Variants in FNDC1 observed in about 807,000 individuals in gnomAD.
FNDC1 encodes fibronectin type III domain containing 1, also known as fibronectin type III domain-containing protein 1.
FNDC1 carries 96 observed loss-of-function variants against 168.0 expected under a neutral mutation model. The ratio of observed to expected loss-of-function variants is 0.57; its 90% CI spans 0.48 to 0.68. The LOEUF is 0.68. Ranked by LOEUF, FNDC1 falls within the 30% of genes least tolerant of loss-of-function variation. The pLI, the probability that FNDC1 is intolerant of heterozygous loss-of-function variation, is 0.00. For synonymous variants in FNDC1, 1,099 were observed against 1,025.9 expected, an observed-to-expected ratio of 1.07 and a Z score of -1.36; for missense variants, 2,587 against 2,482.1, an observed-to-expected ratio of 1.04 and a Z score of -0.90.
chr6:159,254,280 T>G (rs1364341549), intron 17 of FNDC1, among the ~76,000 whole-genome samples: 1 of 152,198 alleles, frequency 6.6e-6, no homozygotes, highest in Non-Finnish European at 1.5e-5. Context: ...CAAGGCTTGG[T>G]CCTGGGGCCT....
At chr6:159,202,096 C>T (rs1410547085) in intron 4 of FNDC1, among the ~76,000 whole-genome samples, 1 of 152,132 alleles carries the variant, frequency 6.6e-6, no homozygotes, top group Non-Finnish European at 1.5e-5. Context: ...TTTGCAGGCC[C>T]TGGTTGCCAA....
rs372511186 is a variant in FNDC1, at chr6:159,197,532, G to A, written c.211G>A (p.Glu71Lys). The A allele has an allele frequency of 3.7e-6, 6 of 1,613,964 alleles. No homozygotes were observed. The African/African-American group carries it at 8.0e-5, about 22-fold the overall frequency. ...CAAAGATGCTACCAGTAGACCTGTG[G>A]AGCATTACAACATTGCCTATGGGAA... ...PPKDATSRPV[E>K]HYNIAYGKSL... is the part of the protein sequence containing the mutation. Residue 71 changes from glutamate (E) to lysine (K), a missense_variant, in exon 2 of 23, where the codon GAG (glutamate) becomes AAG (lysine). Transcript: ENST00000297267.
intron 5 of FNDC1, among the ~76,000 whole-genome samples, chr6:159,219,989 T>G (rs1182644027): frequency 1.3e-5 from 2 of 152,258 alleles, no homozygotes; most frequent in African/African-American, 4.8e-5. Flanking sequence ...TTTGATGTTC[T>G]GTGCATTCAA....
chr6:159,265,131 C>A, intron 20 of FNDC1, 127 bp downstream of exon 20: 1 of 760,566 alleles, frequency 1.3e-6, no homozygotes, highest in Non-Finnish European at 2.2e-6. Flanking sequence ...AACTTCTATG[C>A]TTTCCTTGCA....
chr6:159,221,950 G>A (rs1782835128), intron 6 of FNDC1, among the ~76,000 whole-genome samples: 1 of 152,194 alleles, frequency 6.6e-6, no homozygotes, highest in South Asian at 2.1e-4. Flanking sequence ...TGCGATAGGA[G>A]CAGCCAAGCG....
intron 12 of FNDC1, among the ~76,000 whole-genome samples, chr6:159,238,274 T>A (rs1583900811): frequency 6.6e-6 from 1 of 152,056 alleles, no homozygotes; most frequent in East Asian, 1.9e-4. Context: ...TTTTTTTGTA[T>A]TTTTAGTAGA....
chr6:159,254,624 T>C (rs532798829), intron 17 of FNDC1, among the ~76,000 whole-genome samples: 2 of 147,254 alleles, frequency 1.4e-5, no homozygotes, highest in African/African-American at 5.0e-5. Flanking sequence ...AGGAGAATGG[T>C]GTGAACCCGG....
chr6:159,200,454 A>C (rs1463634761), intron 3 of FNDC1, 59 bp from the exon 4 acceptor site: 3 of 1,272,622 alleles, frequency 2.4e-6, no homozygotes, highest in Non-Finnish European at 3.4e-6. Flanking sequence ...GATGCACTGT[A>C]ATGTGGAAAA....
chr6:159,215,046 C>T lies in FNDC1; in HGVS notation c.562C>T (p.Pro188Ser). 1 of 1,614,012 alleles carries T rather than the reference C, an allele frequency of 6.2e-7. No homozygotes were observed. The highest frequency in any genetic ancestry group is 8.5e-7 in the Non-Finnish European group (1 of 1,179,882). ...KAPRLSGAKSPRRSRGFLLGY... is the reference protein window; with the variant it reads ...KAPRLSGAKSSRRSRGFLLGY... Reference sequence around the variant, plus strand: ...ACCACGCCTGTCTGGAGCCAAGAGTCCACGCAGATCACGGGGTTTTCTCCT... The same window carrying T: ...ACCACGCCTGTCTGGAGCCAAGAGTTCACGCAGATCACGGGGTTTTCTCCT... Residue 188 changes from proline (P) to serine (S), a missense_variant, in exon 5 of 23, where the codon CCA (proline) becomes TCA (serine). Transcript: ENST00000297267.
Position 159,227,217 on chromosome 6 carries a change from G to A in FNDC1, c.1180+637G>A, listed in dbSNP as rs149353024. Among the ~76,000 whole-genome samples, 1,138 of 152,252 alleles carry A rather than the reference G, an allele frequency of 7.5e-3. 15 individuals are homozygous for A. The highest frequency in any genetic ancestry group is 0.026 in the African/African-American group (1,065 of 41,544). The stretch of plus-strand genomic sequence containing the variant: ...AATCTTTTATTTTTAATGTAAAAGC[G>A]TTTAAGAACCTCTCAGAATCTGTTT... On this transcript the variant is annotated intron_variant, in intron 9 of 22. Transcript: ENST00000297267.
intron 5 of FNDC1, among the ~76,000 whole-genome samples, chr6:159,217,635 TG>T (rs1782735051): frequency 1.3e-5 from 2 of 152,292 alleles, no homozygotes; most frequent in South Asian, 4.1e-4. Flanking sequence ...TGCTGCCTGG[TG>T]GGTGTTCCAG....
chr6:159,226,395 C>A, intron 8 of FNDC1, 78 bp from the exon 9 acceptor site: 1 of 1,113,418 alleles, frequency 9.0e-7, no homozygotes, highest in Non-Finnish European at 1.3e-6. Context: ...AAAATGTGTA[C>A]CTAGAGACCA....
chr6:159,253,114 C>T (rs572154858), intron 17 of FNDC1, among the ~76,000 whole-genome samples: 15 of 152,344 alleles, frequency 9.8e-5, no homozygotes, highest in African/African-American at 3.6e-4. Context: ...CCCCACCCTG[C>T]ACCTCATCTG....
chr6:159,260,716 T>C (rs1361825688), intron 18 of FNDC1, among the ~76,000 whole-genome samples: 2 of 152,240 alleles, frequency 1.3e-5, no homozygotes, highest in Admixed American at 6.5e-5. Flanking sequence ...CTCTTTTGCA[T>C]GGACTCCAGG....
chr6:159,223,855 C>T (rs413102), intron 7 of FNDC1, among the ~76,000 whole-genome samples: 58,977 of 152,124 alleles, frequency 0.39, 14,539 homozygotes, highest in East Asian at 0.73. Context: ...AGCAGGGCCT[C>T]GTGTGTAGTG....
chr6:159,192,700 G>A (rs1239112240), intron 1 of FNDC1, among the ~76,000 whole-genome samples: 1 of 152,168 alleles, frequency 6.6e-6, no homozygotes, highest in Non-Finnish European at 1.5e-5. Context: ...GAATGGTTAG[G>A]CCAGAAATAG....
rs377515016 is a variant in FNDC1 at position 159,220,960 on chromosome 6, A to C, written c.668-638A>C. On this transcript the variant is annotated intron_variant, in intron 5 of 22. Coordinates refer to ENST00000297267, the MANE Select transcript of FNDC1 (RefSeq NM_032532.3). ...AATTTTCAAGTTCAGGCTAAGTTGC[A>C]TGCTAGTGGGACCCTCGGAGGGTGC... is the stretch of plus-strand genomic sequence containing the variant. Among the ~76,000 whole-genome samples the C allele has an allele frequency of 5.5e-4, 84 of 152,342 alleles. 4 individuals are homozygous for C. The highest frequency in any genetic ancestry group is 1.8e-3 in the African/African-American group (76 of 41,572).
intron 19 of FNDC1, among the ~76,000 whole-genome samples, chr6:159,263,358 G>A (rs9347295): frequency 0.09 from 13,637 of 152,146 alleles, 1,080 homozygotes; most frequent in East Asian, 0.32. Context: ...TGATGCAGGC[G>A]TGAACATTCA....
At chr6:159,185,414 A>G (rs1781973930) in intron 1 of FNDC1, among the ~76,000 whole-genome samples, 1 of 152,256 alleles carries the variant, frequency 6.6e-6, no homozygotes, top group African/African-American at 2.4e-5. Flanking sequence ...GATGTTAGGT[A>G]GCAGTGGGTT....
Sources: allele counts gnomAD v4.1 joint callset (sites outside exome capture counted in the v4.1 genomes callset), GRCh38; gene constraint gnomAD v4.1.1; transcripts MANE v1.5; gene names NCBI Gene and HGNC (gene_info 2026-07-23, HGNC 2026-07-21).